CLDN16: variants seen among roughly 807,000 people sequenced by gnomAD.
The protein encoded by CLDN16 is claudin-16.
CLDN16 carries 13 observed loss-of-function variants against 24.6 expected under a neutral mutation model. That is an observed-to-expected ratio of 0.53 (90% confidence interval 0.34 to 0.84). The LOEUF (loss-of-function observed/expected upper bound fraction) is 0.84. CLDN16 is among the 40% of genes least tolerant of loss of function. The pLI is 0.01. For synonymous variants in CLDN16, 116 were observed against 106.7 expected (o/e 1.09, Z -0.54); for missense variants, 298 against 292.7 (o/e 1.02, Z -0.13).
the CLDN16 span, among the ~76,000 whole-genome samples, chr3:190,301,816 T>C: frequency 6.6e-6 from 1 of 152,204 alleles, no homozygotes; most frequent in Non-Finnish European, 1.5e-5. Context: ...TAACCTTCTA[T>C]ATGAACTCAT....
chr3:190,374,269 TTGTGTGTGTGTGTGTGTG>T (rs3220823), intron 2 of CLDN16, among the ~76,000 whole-genome samples: 5 of 139,300 alleles, frequency 3.6e-5, no homozygotes, highest in East Asian at 2.1e-4. Flanking sequence ...CTGAAAAACA[TTGTGTGTGTGTGTGTGTG>T]TGTGTGTGTG....
At chr3:190,316,415 A>G in the CLDN16 span, among the ~76,000 whole-genome samples, 1 of 152,254 alleles carries the variant, frequency 6.6e-6, no homozygotes, top group African/African-American at 2.4e-5. Flanking sequence ...CAAAAATAAT[A>G]TACACATGTA....
intron 1 of CLDN16, among the ~76,000 whole-genome samples, chr3:190,367,437 A>G (rs1260598105): frequency 6.6e-6 from 1 of 151,924 alleles, no homozygotes; most frequent in Non-Finnish European, 1.5e-5. Context: ...TGAACTAGTG[A>G]CTCAATACTA....
At chr3:190,302,190 T>A in the CLDN16 span, among the ~76,000 whole-genome samples, 1 of 152,206 alleles carries the variant, frequency 6.6e-6, no homozygotes, top group Non-Finnish European at 1.5e-5. Context: ...TTAAATTATT[T>A]CTTAAACTTC....
chr3:190,293,403 C>T, the CLDN16 span, among the ~76,000 whole-genome samples: 1 of 152,104 alleles, frequency 6.6e-6, no homozygotes, highest in Admixed American at 6.5e-5. Context: ...TATATAGGAC[C>T]TTGTAGATCA....
intron 1 of CLDN16, among the ~76,000 whole-genome samples, chr3:190,391,211 T>TC (rs1718651777): frequency 6.6e-6 from 1 of 151,284 alleles, no homozygotes; most frequent in Non-Finnish European, 1.5e-5. Flanking sequence ...TTTTCCAGTT[T>TC]TTTTTTTTTT....
chr3:190,334,682 C>T (rs1255693119), intron 1 of CLDN16, among the ~76,000 whole-genome samples: 1 of 152,220 alleles, frequency 6.6e-6, no homozygotes, highest in African/African-American at 2.4e-5. Context: ...TGGTAACCAC[C>T]ACGTCATCTT....
chr3:190,353,360 A>T (rs759287669), intron 1 of CLDN16, among the ~76,000 whole-genome samples: 1 of 152,110 alleles, frequency 6.6e-6, no homozygotes, highest in Non-Finnish European at 1.5e-5. Context: ...TATCATGATG[A>T]GTGCACCCAG....
chr3:190,315,083 GT>G, the CLDN16 span, among the ~76,000 whole-genome samples: 19 of 152,280 alleles, frequency 1.2e-4, no homozygotes, highest in African/African-American at 4.6e-4. Context: ...CTGATGGATG[GT>G]TTTTGCAAAG....
chr3:190,400,422 G>C (rs1272220377), intron 1 of CLDN16, among the ~76,000 whole-genome samples: 1 of 151,782 alleles, frequency 6.6e-6, no homozygotes, highest in Non-Finnish European at 1.5e-5. Context: ...TAGTAGAGAC[G>C]GGGTTTCACC....
rs114659532 is a variant in CLDN16, at chr3:190,403,672, C to A, written c.218-1090C>A. Among the ~76,000 whole-genome samples, 86 of 152,302 alleles carry A rather than the reference C, an allele frequency of 5.6e-4. 1 individual carries two copies. Among genetic ancestry groups the A allele is most frequent in the African/African-American group, 2.0e-3 (84 of 41,572 alleles). On this transcript the variant is annotated intron_variant, in intron 2 of 4. Transcript: ENST00000264734. ...AGAGGAAAGCACTTAAAAACAGCAG[C>A]ACTCTAAAATTCTTCATCTGCTATT...
chr3:190,307,698 G>C, the CLDN16 span: 1 of 152,438 alleles, frequency 6.6e-6, no homozygotes, highest in East Asian at 1.9e-4. Context: ...AATAAAATAA[G>C]TATATGAAAA....
At chr3:190,312,933 T>G in the CLDN16 span, 1 of 1,614,208 alleles carries the variant, frequency 6.2e-7, no homozygotes, top group East Asian at 2.2e-5. Flanking sequence ...CCTCATCGTC[T>G]TCCAAGCACT....
At chr3:190,382,899 A>G (rs532693835) in intron 3 of CLDN16, among the ~76,000 whole-genome samples, 2 of 152,104 alleles carry the variant, frequency 1.3e-5, no homozygotes, top group Non-Finnish European at 2.9e-5. Context: ...GTTGGGCTTT[A>G]TCTTAAATAG....
chr3:190,344,732 A>G (rs142330787), intron 1 of CLDN16, among the ~76,000 whole-genome samples: 5 of 152,198 alleles, frequency 3.3e-5, no homozygotes, highest in Middle Eastern at 3.4e-3. Context: ...CCAGATAATC[A>G]TGTGATTAGG....
intron 2 of CLDN16, among the ~76,000 whole-genome samples, chr3:190,373,539 A>G (rs1185011333): frequency 6.6e-6 from 1 of 152,010 alleles, no homozygotes; most frequent in Non-Finnish European, 1.5e-5. Context: ...ATTCTTTACT[A>G]AACTTGTTAA....
chr3:190,296,351 A>C, the CLDN16 span, among the ~76,000 whole-genome samples: 2 of 152,118 alleles, frequency 1.3e-5, no homozygotes, highest in Non-Finnish European at 2.9e-5. Context: ...GCTACTTTAT[A>C]AAGGGTGGTC....
At chr3:190,383,159 C>G (rs543233570), upstream of CLDN16, among the ~76,000 whole-genome samples, 1 of 152,194 alleles carries the variant, frequency 6.6e-6, no homozygotes, top group Non-Finnish European at 1.5e-5. Context: ...CTATCTCTCT[C>G]CCTTTCAAAA....
chr3:190,357,146 C>T (rs972463673), intron 1 of CLDN16, among the ~76,000 whole-genome samples: 1 of 151,834 alleles, frequency 6.6e-6, no homozygotes, highest in African/African-American at 2.4e-5. Flanking sequence ...TTCATTTTTA[C>T]AGGGAATGTT....
Sources: allele counts gnomAD v4.1 joint callset (sites outside exome capture counted in the v4.1 genomes callset), GRCh38; gene constraint gnomAD v4.1.1; transcripts MANE v1.5; gene names NCBI Gene and HGNC (gene_info 2026-07-23, HGNC 2026-07-21).